Variants in SCN2A observed in about 807,000 individuals in gnomAD.
SCN2A encodes sodium voltage-gated channel alpha subunit 2.
A neutral mutation model predicts 188.7 loss-of-function variants in SCN2A; 20 were observed. That is an observed-to-expected ratio of 0.11 (90% CI 0.07 to 0.15). SCN2A has a LOEUF of 0.15. Ranked by LOEUF, SCN2A falls within the 10% of genes least tolerant of loss-of-function variation. The pLI is 1.00. For missense variants in SCN2A, 1,278 were observed against 2,445.0 expected (o/e 0.52, Z 10.07); for synonymous variants, 804 against 833.1 (o/e 0.97, Z 0.60).
chr2:165,376,791 A>G (rs925254764), intron 22 of SCN2A, among the ~76,000 whole-genome samples: 3 of 151,946 alleles, frequency 2.0e-5, no homozygotes, highest in African/African-American at 4.8e-5. Flanking sequence ...TCTCTTGCAA[A>G]TGAAAACTTT....
rs1702102137 is a variant in SCN2A, at chr2:165,391,002, T to C, written c.*1178T>C. ...AGCACACTACTTATTGCATCAAATATGTACCACAGTAAGTATAGTTTGCAA... is the reference window on the plus strand; with the variant it reads ...AGCACACTACTTATTGCATCAAATACGTACCACAGTAAGTATAGTTTGCAA... On this transcript the variant is annotated 3_prime_UTR_variant, in exon 27 of 27. Coordinates refer to ENST00000375437, the MANE Select transcript of SCN2A (RefSeq NM_001040142.2). 6.6e-6 allele frequency: 1 copy of C among 152,596 alleles called. No homozygotes were observed. Among genetic ancestry groups the C allele is most frequent in the Admixed American group, 6.6e-5 (1 of 15,262 alleles). 9.5% of individuals were successfully genotyped at this position (152,596 alleles called of 1,614,324 possible). A position where few individuals can be genotyped will look rare whatever the true frequency, so the allele number is the denominator to read the frequency against.
chr2:165,314,176 C>T (rs1697600314), intron 10 of SCN2A, 68 bp downstream of exon 10: 1 of 1,497,842 alleles, frequency 6.7e-7, no homozygotes, highest in Non-Finnish European at 9.2e-7. Context: ...ATGTTGAGGT[C>T]AGTGGCAAGG....
At chr2:165,291,486 CTTTCTTTTCTTT>C (rs1696157334) in intron 1 of SCN2A, among the ~76,000 whole-genome samples, 3 of 57,288 alleles carry the variant, frequency 5.2e-5, no homozygotes, top group Non-Finnish European at 7.3e-5. Context: ...TTCTTTCTTT[CTTTCTTTTCTTT>C]CTTTCTTTCT....
chr2:165,287,220 C>T (rs1028197927), intron 1 of SCN2A, among the ~76,000 whole-genome samples: 1 of 152,190 alleles, frequency 6.6e-6, no homozygotes, highest in African/African-American at 2.4e-5. Flanking sequence ...TATACATTGG[C>T]CTAGTTATGG....
chr2:165,274,067 C>G (rs1030161139), intron 1 of SCN2A: 2 of 151,936 alleles, frequency 1.3e-5, no homozygotes, highest in Non-Finnish European at 2.9e-5. Context: ...CTTATGAGTT[C>G]CAGACATACT....
At chr2:165,338,761 T>C (rs1699151213) in intron 14 of SCN2A, among the ~76,000 whole-genome samples, 1 of 152,148 alleles carries the variant, frequency 6.6e-6, no homozygotes, top group Non-Finnish European at 1.5e-5. Context: ...TGAAAAGTGA[T>C]CAATTAATTG....
At chr2:165,364,472 T>A (rs1700622221) in intron 17 of SCN2A, among the ~76,000 whole-genome samples, 1 of 152,236 alleles carries the variant, frequency 6.6e-6, no homozygotes, top group Non-Finnish European at 1.5e-5. Flanking sequence ...CTGCCTGTAC[T>A]AACAGGGCAG....
At position 165,354,605 on chromosome 2, in the gene SCN2A, A is replaced by T. The variant is rs2105337534; in HGVS notation, c.3333A>T (p.Glu1111Asp). 22 of 1,614,086 alleles carry T rather than the reference A, an allele frequency of 1.4e-5. No individual in the cohort carries two copies. Among genetic ancestry groups the T allele is most frequent in the Non-Finnish European group, 1.9e-5 (22 of 1,179,982 alleles). ...LTVTVPIAVG[E>D]SDFENLNTEE... The stretch of plus-strand genomic sequence containing the variant: ...TGACAGTACCAATTGCTGTTGGAGA[A>T]TCTGACTTTGAAAATTTAAATACTG... The change falls in exon 17 of 27, where the codon GAA becomes GAT. Residue 1111 changes from glutamate to aspartate, a missense_variant. Transcript: ENST00000375437.
chr2:165,308,556 G>A, intron 4 of SCN2A, 110 bp from the exon 5 acceptor site: 1 of 1,161,670 alleles, frequency 8.6e-7, no homozygotes, highest in East Asian at 2.4e-5. Context: ...ATCGTAGGGG[G>A]ACCAACCTGG....
chr2:165,330,273 A>G (rs1254402653), intron 13 of SCN2A, among the ~76,000 whole-genome samples: 1 of 152,190 alleles, frequency 6.6e-6, no homozygotes, highest in Non-Finnish European at 1.5e-5. Context: ...AGAACAGGTA[A>G]TAGGGTGTAC....
At chr2:165,336,497 A>G (rs186068931) in intron 14 of SCN2A, among the ~76,000 whole-genome samples, 329 of 152,100 alleles carry the variant, frequency 2.2e-3, no homozygotes, top group Non-Finnish European at 4.0e-3. Context: ...TACATATCAT[A>G]TTGCTACATT....
intron 1 of SCN2A, among the ~76,000 whole-genome samples, chr2:165,244,316 T>G (rs545364526): frequency 6.6e-6 from 1 of 152,246 alleles, no homozygotes; most frequent in East Asian, 1.9e-4. Context: ...ATAACACTCA[T>G]ACGTTAGTGT....
intron 1 of SCN2A, among the ~76,000 whole-genome samples, chr2:165,265,813 C>T (rs1485338048): frequency 1.3e-5 from 2 of 149,908 alleles, no homozygotes; most frequent in Non-Finnish European, 3.0e-5. Context: ...CTTCTTCTTT[C>T]TTTCTTTCTT....
intron 1 of SCN2A, among the ~76,000 whole-genome samples, chr2:165,251,414 G>A (rs1055250753): frequency 4.6e-5 from 7 of 152,088 alleles, no homozygotes; most frequent in South Asian, 2.1e-4. Context: ...ACAAGTACAC[G>A]TTCAAATATA....
At chr2:165,245,801 T>G (rs763287178) in intron 1 of SCN2A, among the ~76,000 whole-genome samples, 1 of 152,224 alleles carries the variant, frequency 6.6e-6, no homozygotes, top group Admixed American at 6.5e-5. Context: ...GTCAAGAAAC[T>G]TCTACATTTA....
chr2:165,286,694 T>G lies in SCN2A; in HGVS notation c.-51-9079T>G, dbSNP rs371739561. 4.6e-5 allele frequency among the ~76,000 whole-genome samples: 7 copies of G among 152,164 alleles called. No individual in the cohort carries two copies. In the East Asian group the frequency reaches 5.8e-4, roughly 13 times the overall value. ...TGTCATTGACCAACTGCATCCAGGC[T>G]AAAAAGCAAGAGGTATTGTTGCCTG... On this transcript the variant is annotated intron_variant, in intron 1 of 26. Transcript: ENST00000375437.
intron 11 of SCN2A, among the ~76,000 whole-genome samples, chr2:165,322,829 G>T (rs1034838649): frequency 1.3e-5 from 2 of 152,168 alleles, no homozygotes; most frequent in African/African-American, 4.8e-5. Context: ...TCTATCAACA[G>T]TATCAGTTCT....
chr2:165,387,051 T>C lies in SCN2A; in HGVS notation c.4822+35T>C, dbSNP rs769033210. 29 of 1,599,866 alleles carry C rather than the reference T, an allele frequency of 1.8e-5. 1 individual carries two copies. Among genetic ancestry groups the C allele is most frequent in the Admixed American group, 6.7e-5 (4 of 59,956 alleles). ...GGTGCTTTTATTCAGTTAAGGAATA[T>C]AGTGGTAAAAATATGTGTTTTAAAA... On this transcript the variant is annotated intron_variant, in intron 26 of 26. Coordinates refer to ENST00000375437, the MANE Select transcript of SCN2A (RefSeq NM_001040142.2).
chr2:165,308,886 C>A, intron 5 of SCN2A, 92 bp downstream of exon 5: 1 of 1,475,818 alleles, frequency 6.8e-7, no homozygotes, highest in South Asian at 1.2e-5. Context: ...CTTGACAGAC[C>A]AAGCATTTTT....
Sources: gnomAD v4.1 joint callset for allele counts (sites outside exome capture counted in the v4.1 genomes callset) on GRCh38, gnomAD v4.1.1 for gene constraint, MANE v1.5 for transcripts, NCBI Gene and HGNC (gene_info 2026-07-23, HGNC 2026-07-21) for gene names.